The following CELA2B variants were observed in gnomAD, a reference collection of about 807,000 sequenced individuals.
The protein encoded by CELA2B is chymotrypsin-like elastase family member 2B.
A neutral mutation model predicts 36.5 loss-of-function variants in CELA2B; 27 were observed. The observed-to-expected ratio is 0.74, with a 90% CI of 0.55 to 1.02. The LOEUF is 1.02. CELA2B is among the 50% of genes least tolerant of loss of function. CELA2B has a pLI of 0.00. For missense variants in CELA2B, 340 were observed against 347.8 expected, an observed-to-expected ratio of 0.98 and a Z score of 0.18; for synonymous variants, 143 against 148.5, an observed-to-expected ratio of 0.96 and a Z score of 0.27.
chr1:15,482,945 G>A (rs1708760290), intron 4 of CELA2B, among the ~76,000 whole-genome samples: 1 of 151,940 alleles, frequency 6.6e-6, no homozygotes, highest in Admixed American at 6.6e-5. Flanking sequence ...ACCACCACAG[G>A]CCCGGCTAAT....
At chr1:15,481,777 TC>T in intron 3 of CELA2B, 1 of 469,452 alleles carries the variant, frequency 2.1e-6, no homozygotes, top group South Asian at 1.6e-5. Flanking sequence ...CCAGGAGTGA[TC>T]CCTTCTCCCA....
intron 4 of CELA2B, among the ~76,000 whole-genome samples, chr1:15,482,646 G>A (rs34279773): frequency 0.02 from 3,079 of 152,254 alleles, 53 homozygotes; most frequent in Non-Finnish European, 0.032. Context: ...GCCCCTGTCC[G>A]CTGAGTGTGT....
intron 7 of CELA2B, among the ~76,000 whole-genome samples, chr1:15,488,397 GATA>G (rs1360678744): frequency 1.3e-5 from 2 of 152,078 alleles, no homozygotes; most frequent in East Asian, 3.9e-4. Context: ...TGAAAATAAT[GATA>G]ATAATAGTTG....
At chr1:15,486,622 C>G (rs746720847) in intron 6 of CELA2B, among the ~76,000 whole-genome samples, 1 of 152,192 alleles carries the variant, frequency 6.6e-6, no homozygotes, top group Admixed American at 6.5e-5. Flanking sequence ...CTTTCCTCTA[C>G]GCTGGAAGGG....
In CELA2B at chr1:15,483,267, C is replaced by G; in HGVS notation, c.360C>G (p.Asn120Lys). 1 of 1,613,732 alleles carries G rather than the reference C, an allele frequency of 6.2e-7. No individual in the cohort carries two copies. ...DWNSDQVSKG[N>K]DIALLKLANP... ...CTCCGCCTCCGCACTCACCCAGGAA[C>G]GACATTGCCCTGCTCAAACTGGCTA... The change falls in exon 5 of 8, where the codon AAC (asparagine) becomes AAG (lysine). Residue 120 changes from asparagine to lysine, a missense_variant. Physicochemically the swap from Asn to Lys is moderately conservative, Grantham distance 94. Coordinates refer to ENST00000375910, the MANE Select transcript of CELA2B (RefSeq NM_015849.3).
At chr1:15,488,752 C>T (rs1440739107) in intron 7 of CELA2B, among the ~76,000 whole-genome samples, 1 of 152,188 alleles carries the variant, frequency 6.6e-6, no homozygotes, top group Non-Finnish European at 1.5e-5. Flanking sequence ...TAAACTGACA[C>T]TTATAAAACC....
intron 4 of CELA2B, 110 bp from the exon 5 acceptor site, chr1:15,483,154 C>A: frequency 1.3e-6 from 2 of 1,526,876 alleles, no homozygotes; most frequent in South Asian, 1.2e-5. Flanking sequence ...CCGGTCAGAG[C>A]AACCTGGGGT....
chr1:15,481,314 G>A, intron 3 of CELA2B, 119 bp downstream of exon 3: 1 of 1,194,670 alleles, frequency 8.4e-7, no homozygotes, highest in Non-Finnish European at 1.2e-6. Flanking sequence ...CCACTAGCCT[G>A]GCCGAGACAC....
intron 7 of CELA2B, 74 bp downstream of exon 7, chr1:15,487,511 G>A: frequency 6.4e-7 from 1 of 1,566,506 alleles, no homozygotes; most frequent in African/African-American, 1.4e-5. Context: ...ATGCCCACCT[G>A]GCGACTGAGA....
intron 7 of CELA2B, among the ~76,000 whole-genome samples, chr1:15,490,230 A>ATCTG (rs2103317251): frequency 7.3e-6 from 1 of 136,736 alleles, no homozygotes; most frequent in South Asian, 2.2e-4. Context: ...ATATCTATCT[A>ATCTG]TCTATCTATC....
At chr1:15,479,314 G>A (rs1262230141) in intron 2 of CELA2B, among the ~76,000 whole-genome samples, 2 of 152,140 alleles carry the variant, frequency 1.3e-5, no homozygotes, top group African/African-American at 4.8e-5. Context: ...GGAGGCTGAG[G>A]CAGGTGGATC....
At chr1:15,478,490 G>A (rs150842890) in intron 2 of CELA2B, among the ~76,000 whole-genome samples, 1 of 151,576 alleles carries the variant, frequency 6.6e-6, no homozygotes, top group African/African-American at 2.4e-5. Context: ...TAATCCACCT[G>A]CCTCGGCCTC....
intron 2 of CELA2B, 71 bp downstream of exon 2, chr1:15,476,616 C>T: frequency 7.0e-7 from 1 of 1,426,742 alleles, no homozygotes; most frequent in South Asian, 1.1e-5. Flanking sequence ...TGCCCTTCCA[C>T]CATGGCGTCT....
At chr1:15,489,453 T>C (rs1044548802) in intron 7 of CELA2B, among the ~76,000 whole-genome samples, 1 of 152,166 alleles carries the variant, frequency 6.6e-6, no homozygotes, top group Non-Finnish European at 1.5e-5. Context: ...CCAGCTGTCC[T>C]TGGGTGGGGG....
intron 4 of CELA2B, 120 bp from the exon 5 acceptor site, chr1:15,483,144 C>A (rs1328049987): frequency 6.8e-7 from 1 of 1,476,386 alleles, no homozygotes; most frequent in Non-Finnish European, 9.2e-7. Flanking sequence ...GTGGGCCCTG[C>A]CGGTCAGAGC....
intron 2 of CELA2B, among the ~76,000 whole-genome samples, chr1:15,479,145 T>A (rs941200239): frequency 1.3e-5 from 2 of 152,202 alleles, no homozygotes; most frequent in African/African-American, 4.8e-5. Context: ...TAGATACTTT[T>A]CAGTGTCTTT....
Position 15,481,165 on chromosome 1 carries a change from G to C in CELA2B, c.197G>C (p.Ser66Thr). The C allele has an allele frequency of 6.2e-7, 1 of 1,614,108 alleles. No individual in the cohort carries two copies. Among genetic ancestry groups the C allele is most frequent in the Non-Finnish European group, 8.5e-7 (1 of 1,180,042 alleles). Reference protein sequence around the residue: ...HTCGGSLIANSWVLTAAHCIS... With the variant: ...HTCGGSLIANTWVLTAAHCIS... The stretch of plus-strand genomic sequence containing the variant: ...TGCGGAGGGTCCCTGATAGCCAACA[G>C]CTGGGTCCTGACGGCTGCCCACTGC... The change falls in exon 3 of 8, where the codon AGC becomes ACC. Residue 66 changes from serine to threonine, a missense_variant. Ser to Thr is a moderately conservative substitution (Grantham distance 58). Coordinates refer to ENST00000375910, the MANE Select transcript of CELA2B (RefSeq NM_015849.3).
chr1:15,476,673 G>A (rs1708675673), intron 2 of CELA2B, 128 bp downstream of exon 2: 3 of 876,158 alleles, frequency 3.4e-6, no homozygotes, highest in Non-Finnish European at 5.5e-6. Flanking sequence ...GAGCAGCACA[G>A]GAAACTTCAC....
At position 15,487,349 on chromosome 1, in the gene CELA2B, G is replaced by C. The variant is rs141194336; in HGVS notation, c.704G>C (p.Gly235Ala). The C allele has an allele frequency of 2.5e-6, 4 of 1,614,182 alleles. No individual in the cohort carries two copies. The East Asian group carries it at 6.7e-5, about 27-fold the overall frequency. Residue 235 changes from glycine (G) to alanine (A), a missense_variant, in exon 7 of 8, where the codon GGC (glycine) becomes GCC (alanine). Transcript: ENST00000375910. ...GGCCGGTGGGAGGTGCATGGCATCGGCAGCCTCACGTCGGTCCTTGGTTGC... is the reference window on the plus strand; with the variant it reads ...GGCCGGTGGGAGGTGCATGGCATCGCCAGCCTCACGTCGGTCCTTGGTTGC... Reference protein sequence around the residue: ...SDGRWEVHGIGSLTSVLGCNY... With the variant: ...SDGRWEVHGIASLTSVLGCNY...
Sources: gnomAD v4.1 joint callset for allele counts (sites outside exome capture counted in the v4.1 genomes callset) on GRCh38, gnomAD v4.1.1 for gene constraint, MANE v1.5 for transcripts, NCBI Gene and HGNC (gene_info 2026-07-23, HGNC 2026-07-21) for gene names.